The following BMP6 variants were observed in gnomAD, a reference collection of about 807,000 sequenced individuals.
BMP6 encodes the protein bone morphogenetic protein 6.
A neutral mutation model predicts 54.1 loss-of-function variants in BMP6; 17 were observed. That is an observed-to-expected ratio of 0.31 (90% CI 0.22 to 0.47). The LOEUF (loss-of-function observed/expected upper bound fraction) is 0.47, where lower values mean the gene tolerates loss of function less well. BMP6 is among the 20% of genes least tolerant of loss of function. The pLI is 1.00. For synonymous variants in BMP6, 328 were observed against 291.2 expected, an observed-to-expected ratio of 1.13 and a Z score of -1.28; for missense variants, 720 against 690.4, an observed-to-expected ratio of 1.04 and a Z score of -0.48.
Position 7,861,497 on chromosome 6 carries a change from G to A in BMP6, c.904G>A (p.Glu302Lys), listed in dbSNP as rs773188462. The change falls in exon 3 of 7, where the codon GAA becomes AAA. Residue 302 changes from glutamate (E) to lysine (K), a missense_variant. Around this residue, in one of 3 missense-constraint regions of BMP6, gnomAD observed 650 missense variants for 556.3 expected, o/e 1.17. Transcript: ENST00000283147. ...LLDTRVVWAS[E>K]EGWLEFDITA... ...GGACACCCGTGTAGTATGGGCCTCA[G>A]AAGAAGGCTGGCTGGAATTTGACAT... 10 of 1,614,070 alleles carry A rather than the reference G, an allele frequency of 6.2e-6. No individual in the cohort carries two copies. The Admixed American group carries it at 1.7e-4, about 27-fold the overall frequency.
chr6:7,757,998 A>C lies in BMP6; in HGVS notation c.664+30379A>C, dbSNP rs77113957. On this transcript the variant is annotated intron_variant, in intron 1 of 6. Transcript: ENST00000283147. ...CTATTTCAGAATCTTGCCTCTAATTATCTTCACAAGTTTCCTTTGTGATGC... is the reference window on the plus strand; with the variant it reads ...CTATTTCAGAATCTTGCCTCTAATTCTCTTCACAAGTTTCCTTTGTGATGC... Among the ~76,000 whole-genome samples the C allele has an allele frequency of 3.2e-3, 484 of 152,286 alleles. 7 individuals are homozygous for C. The East Asian group carries it at 0.034, about 11-fold the overall frequency.
intron 1 of BMP6, among the ~76,000 whole-genome samples, chr6:7,808,566 G>A (rs1048135638): frequency 1.3e-5 from 2 of 152,112 alleles, no homozygotes; most frequent in South Asian, 2.1e-4. Context: ...TCCCCGAAAC[G>A]CTTTCCTTCT....
At position 7,726,922 on chromosome 6, in the gene BMP6, G is replaced by T. The variant is rs953331948; in HGVS notation, c.-34G>T. 1 of 1,127,236 alleles carries T rather than the reference G, an allele frequency of 8.9e-7. No homozygotes were observed. Among genetic ancestry groups the T allele is most frequent in the Non-Finnish European group, 1.1e-6 (1 of 920,396 alleles). 69.8% of individuals were successfully genotyped at this position (1,127,236 alleles called of 1,614,324 possible). The stretch of plus-strand genomic sequence containing the variant: ...GCCTCGCTCCGCCGCTCCACGCCTC[G>T]CGGGATCCGCGGGGGCAGCCCGGCC... On this transcript the variant is annotated 5_prime_UTR_variant, in exon 1 of 7. Coordinates refer to ENST00000283147, the MANE Select transcript of BMP6 (RefSeq NM_001718.6).
Position 7,879,159 on chromosome 6 carries a change from T to C in BMP6, c.1281+9T>C, listed in dbSNP as rs563044779. The C allele has an allele frequency of 3.1e-6, 5 of 1,611,608 alleles. No homozygotes were observed. In the South Asian group the frequency reaches 5.5e-5, roughly 18 times the overall value. ...AAGACCTGGGATGGCAGGTGAGTTC[T>C]CTGGACACGGGGGATAAAGGTCCTT... On this transcript the variant is annotated intron_variant, in intron 5 of 6. Transcript: ENST00000283147.
intron 1 of BMP6, among the ~76,000 whole-genome samples, chr6:7,767,191 GTCTCGA>G (rs1757706702): frequency 6.6e-6 from 1 of 151,524 alleles, no homozygotes; most frequent in South Asian, 2.1e-4. Context: ...TTTCACCGCG[GTCTCGA>G]TCTCCTGACC....
At chr6:7,845,604 G>T (rs143748757) in intron 2 of BMP6, among the ~76,000 whole-genome samples, 22 of 152,268 alleles carry the variant, frequency 1.4e-4, no homozygotes, top group African/African-American at 5.3e-4. Context: ...ATTTATTAGG[G>T]TTAAAATGTT....
chr6:7,870,829 A>G (rs570820404), intron 4 of BMP6, among the ~76,000 whole-genome samples: 91 of 152,290 alleles, frequency 6.0e-4, no homozygotes, highest in African/African-American at 1.7e-3. Flanking sequence ...GGGTTTCACC[A>G]TGTTGGTCAG....
At chr6:7,878,428 G>T (rs1036992853) in intron 4 of BMP6, among the ~76,000 whole-genome samples, 1 of 152,114 alleles carries the variant, frequency 6.6e-6, no homozygotes, top group African/African-American at 2.4e-5. Flanking sequence ...CACAGGGTGG[G>T]TACATGCACT....
At chr6:7,870,412 G>C (rs1269524154) in intron 4 of BMP6, among the ~76,000 whole-genome samples, 1 of 152,158 alleles carries the variant, frequency 6.6e-6, no homozygotes, top group Non-Finnish European at 1.5e-5. Flanking sequence ...GCAAAGTATT[G>C]GAAAAATGAA....
intron 1 of BMP6, among the ~76,000 whole-genome samples, chr6:7,806,509 T>C (rs951159427): frequency 1.3e-5 from 2 of 152,206 alleles, no homozygotes; most frequent in African/African-American, 4.8e-5. Flanking sequence ...CTTTTGTAAT[T>C]GCGTGAATGT....
chr6:7,772,407 T>C lies in BMP6; in HGVS notation c.664+44788T>C, dbSNP rs1581241311. Reference sequence around the variant, plus strand: ...GCCCAATCTGTCAGTAATGAATTTATTTATTTATGATGAAATTATAAGGAC... The same window carrying C: ...GCCCAATCTGTCAGTAATGAATTTACTTATTTATGATGAAATTATAAGGAC... On this transcript the variant is annotated intron_variant, in intron 1 of 6. Coordinates refer to ENST00000283147, the MANE Select transcript of BMP6 (RefSeq NM_001718.6). Among the ~76,000 whole-genome samples the C allele has an allele frequency of 2.0e-5, 3 of 152,332 alleles. No homozygotes were observed. The Middle Eastern group carries it at 0.01, about 518-fold the overall frequency.
intron 2 of BMP6, among the ~76,000 whole-genome samples, chr6:7,850,210 T>C (rs771753899): frequency 8.5e-5 from 13 of 152,150 alleles, no homozygotes; most frequent in Non-Finnish European, 1.8e-4. Flanking sequence ...TGGTGCGATC[T>C]CGGCTCACTG....
intron 1 of BMP6, among the ~76,000 whole-genome samples, chr6:7,823,161 A>G (rs539239698): frequency 6.6e-6 from 1 of 152,210 alleles, no homozygotes; most frequent in East Asian, 1.9e-4. Context: ...CGTCCCAAAC[A>G]TTTCCTGAGC....
At chr6:7,736,206 G>C (rs1761953668) in intron 1 of BMP6, among the ~76,000 whole-genome samples, 1 of 152,114 alleles carries the variant, frequency 6.6e-6, no homozygotes, top group Non-Finnish European at 1.5e-5. Context: ...TGTCACCATA[G>C]TACCTAGACA....
chr6:7,781,221 AG>A (rs1315319966), intron 1 of BMP6, among the ~76,000 whole-genome samples: 1 of 152,222 alleles, frequency 6.6e-6, no homozygotes, highest in Non-Finnish European at 1.5e-5. Context: ...CAAAATAAGT[AG>A]TATCGTTACT....
intron 4 of BMP6, among the ~76,000 whole-genome samples, chr6:7,873,920 C>T (rs534139735): frequency 1.4e-4 from 22 of 152,056 alleles, no homozygotes; most frequent in South Asian, 8.3e-4. Flanking sequence ...GTCCCTAGCA[C>T]GAGACGGTAT....
intron 1 of BMP6, among the ~76,000 whole-genome samples, chr6:7,748,220 A>G (rs1249286068): frequency 6.6e-6 from 1 of 152,160 alleles, no homozygotes; most frequent in Non-Finnish European, 1.5e-5. Context: ...GTGAAATGGA[A>G]ATAATAAATG....
chr6:7,824,674 C>T (rs1452857280), intron 1 of BMP6, among the ~76,000 whole-genome samples: 1 of 152,114 alleles, frequency 6.6e-6, no homozygotes, highest in Non-Finnish European at 1.5e-5. Context: ...ATCTGATAAT[C>T]CCAAAAGCTT....
intron 1 of BMP6, among the ~76,000 whole-genome samples, chr6:7,809,201 T>C (rs773786527): frequency 3.3e-5 from 5 of 151,838 alleles, no homozygotes; most frequent in Non-Finnish European, 7.4e-5. Context: ...GGAGTTTATT[T>C]AAGTGGAACT....
Sources: allele counts gnomAD v4.1 joint callset (sites outside exome capture counted in the v4.1 genomes callset), GRCh38; gene constraint gnomAD v4.1.1; regional missense constraint gnomAD v4.1.1; transcripts MANE v1.5; gene names NCBI Gene and HGNC (gene_info 2026-07-23, HGNC 2026-07-21).